Variants in THSD4 observed in about 807,000 individuals in gnomAD.
THSD4 encodes the protein thrombospondin type 1 domain containing 4.
THSD4 carries 69 observed loss-of-function variants against 119.0 expected under a neutral mutation model. That is an observed-to-expected ratio of 0.58 (90% CI 0.48 to 0.71). THSD4 has a LOEUF of 0.71. THSD4 is among the 30% of genes least tolerant of loss of function. The pLI is 0.00. For synonymous variants in THSD4, 524 were observed against 540.4 expected (o/e 0.97, Z 0.42); for missense variants, 1,393 against 1,391.1 (o/e 1.00, Z -0.02).
intron 6 of THSD4, among the ~76,000 whole-genome samples, chr15:71,407,237 C>T (rs533123108): frequency 1.3e-5 from 2 of 152,078 alleles, no homozygotes; most frequent in Admixed American, 6.5e-5. Context: ...ATAGTTGTCC[C>T]GGTTTTAGGT....
At chr15:71,195,366 G>A (rs975012549) in intron 3 of THSD4, among the ~76,000 whole-genome samples, 3 of 152,304 alleles carry the variant, frequency 2.0e-5, no homozygotes, top group Non-Finnish European at 4.4e-5. Context: ...AGAGTGGTTT[G>A]GGATGGCAGA....
At chr15:71,107,178 A>T (rs750607628) in intron 1 of THSD4, among the ~76,000 whole-genome samples, 3 of 152,250 alleles carry the variant, frequency 2.0e-5, no homozygotes, top group Non-Finnish European at 4.4e-5. Context: ...GTCTTCATGA[A>T]ACCGTTATCC....
At chr15:71,111,606 T>C (rs1596202878), upstream of THSD4, 7 of 604,322 alleles carry the variant, frequency 1.2e-5, no homozygotes, top group East Asian at 1.9e-4. Flanking sequence ...GCCTTGACTT[T>C]ACAGTCTGCA....
At chr15:71,439,297 T>C (rs1359554506) in intron 7 of THSD4, among the ~76,000 whole-genome samples, 1 of 152,206 alleles carries the variant, frequency 6.6e-6, no homozygotes, top group African/African-American at 2.4e-5. Context: ...TTACTATTTT[T>C]TTCTACTTAC....
chr15:71,277,763 C>G (rs1004404048), intron 6 of THSD4, among the ~76,000 whole-genome samples: 1 of 152,120 alleles, frequency 6.6e-6, no homozygotes, highest in Admixed American at 6.6e-5. Flanking sequence ...TGTCACTGCT[C>G]TATTGGAATC....
intron 3 of THSD4, among the ~76,000 whole-genome samples, chr15:71,191,666 CT>C (rs1028573527): frequency 6.6e-6 from 1 of 152,158 alleles, no homozygotes; most frequent in African/African-American, 2.4e-5. Flanking sequence ...TACTGAGCCC[CT>C]GAGCTCTCAC....
chr15:71,770,346 TAAAAAA>T lies in THSD4; in HGVS notation c.2770-701_2770-696del, dbSNP rs71131707. On this transcript the variant is annotated intron_variant, in intron 16 of 17. Coordinates refer to ENST00000261862, the MANE Select transcript of THSD4 (RefSeq NM_024817.3). ...GTATGAATAAATATGATATGTCCTT[TAAAAAA>T]AAAAAAAAAAAAAAAATCTTGGCTG... Among the ~76,000 whole-genome samples the T allele has an allele frequency of 1.6e-4, 21 of 127,470 alleles. No homozygotes were observed. In the East Asian group the frequency reaches 3.5e-3, roughly 21 times the overall value. The allele number at this position is 127,470 out of a possible 152,430, so 83.6% of individuals were successfully genotyped here.
At chr15:71,169,404 G>A (rs1349576363) in intron 3 of THSD4, among the ~76,000 whole-genome samples, 5 of 152,148 alleles carry the variant, frequency 3.3e-5, no homozygotes, top group Admixed American at 1.3e-4. Flanking sequence ...GCTATGATCT[G>A]GCTACTGTAT....
At chr15:71,722,830 T>C (rs1329197626) in intron 8 of THSD4, among the ~76,000 whole-genome samples, 1 of 152,252 alleles carries the variant, frequency 6.6e-6, no homozygotes, top group African/African-American at 2.4e-5. Context: ...ACTATCCTTC[T>C]CTAAACATTT....
chr15:71,447,260 A>G (rs1401524959), intron 7 of THSD4, among the ~76,000 whole-genome samples: 2 of 151,804 alleles, frequency 1.3e-5, no homozygotes, highest in Non-Finnish European at 2.9e-5. Context: ...AGCTGGGACT[A>G]CAGGCATGTG....
intron 7 of THSD4, among the ~76,000 whole-genome samples, chr15:71,649,936 G>T (rs2051051193): frequency 6.6e-6 from 1 of 152,148 alleles, no homozygotes; most frequent in South Asian, 2.1e-4. Context: ...AGTCAGAAAA[G>T]GACTGCCAGC....
chr15:71,560,388 A>C (rs115676549), intron 7 of THSD4, among the ~76,000 whole-genome samples: 8 of 152,358 alleles, frequency 5.3e-5, no homozygotes, highest in African/African-American at 1.9e-4. Context: ...ATTCATAAAG[A>C]GGTGAGACCC....
intron 7 of THSD4, among the ~76,000 whole-genome samples, chr15:71,586,855 G>A (rs891924198): frequency 6.6e-5 from 10 of 152,138 alleles, no homozygotes; most frequent in South Asian, 2.1e-4. Context: ...GTTGACATTC[G>A]TTAAAGGAAG....
At chr15:71,551,118 A>C (rs1055782014) in intron 7 of THSD4, among the ~76,000 whole-genome samples, 2 of 152,232 alleles carry the variant, frequency 1.3e-5, no homozygotes, top group Non-Finnish European at 2.9e-5. Flanking sequence ...TTATTCAGAA[A>C]GAATGAGGTA....
At chr15:71,636,682 T>C (rs1017498575) in intron 7 of THSD4, among the ~76,000 whole-genome samples, 2 of 152,014 alleles carry the variant, frequency 1.3e-5, no homozygotes, top group African/African-American at 4.8e-5. Context: ...CACAGAGAAA[T>C]CTTTTTTTGC....
intron 7 of THSD4, among the ~76,000 whole-genome samples, chr15:71,468,147 C>T (rs754222370): frequency 6.6e-6 from 1 of 152,206 alleles, no homozygotes; most frequent in East Asian, 1.9e-4. Flanking sequence ...CTGCGCCCAG[C>T]CAATCTGATG....
intron 6 of THSD4, among the ~76,000 whole-genome samples, chr15:71,320,320 T>C (rs191429732): frequency 1.1e-3 from 160 of 152,332 alleles, no homozygotes; most frequent in African/African-American, 3.6e-3. Flanking sequence ...AGACTGCAAG[T>C]TAACCCAGAC....
chr15:71,426,873 T>C (rs978141408), intron 7 of THSD4, among the ~76,000 whole-genome samples: 1 of 152,220 alleles, frequency 6.6e-6, no homozygotes, highest in Non-Finnish European at 1.5e-5. Context: ...AGATTAAAAT[T>C]ATTCAGTAAA....
intron 7 of THSD4, among the ~76,000 whole-genome samples, chr15:71,524,583 G>A (rs1453171445): frequency 8.0e-6 from 1 of 125,406 alleles, no homozygotes; most frequent in Non-Finnish European, 1.7e-5. Context: ...CTTGGTTTAT[G>A]CCTCTTTTTT....
Sources: gnomAD v4.1 joint callset for allele counts (sites outside exome capture counted in the v4.1 genomes callset) on GRCh38, gnomAD v4.1.1 for gene constraint, MANE v1.5 for transcripts, NCBI Gene and HGNC (gene_info 2026-07-23, HGNC 2026-07-21) for gene names.